The following CELF4 variants were observed in gnomAD, a reference collection of about 807,000 sequenced individuals.
CELF4 encodes the protein CUG-BP- and ETR-3-like factor 4.
In CELF4, 18 loss-of-function variants were observed where a neutral mutation model predicts 59.9. The observed-to-expected ratio is 0.30, with a 90% confidence interval of 0.21 to 0.45. CELF4 has a LOEUF of 0.45. Among genes scored for constraint, CELF4 ranks in the 20% least tolerant of loss-of-function variants. The pLI is 1.00. For missense variants in CELF4, 456 were observed against 689.0 expected (o/e 0.66, Z 3.79); for synonymous variants, 261 against 267.1 (o/e 0.98, Z 0.22).
intron 2 of CELF4, among the ~76,000 whole-genome samples, chr18:37,470,881 T>TGACAGAGAGAGA (rs1569569555): frequency 1.2e-5 from 1 of 80,884 alleles, no homozygotes; most frequent in African/African-American, 4.4e-5. Context: ...TGTGTGTGTG[T>TGACAGAGAGAGA]GTGTGTGACA....
At chr18:37,289,963 GA>G (rs1336748328) in intron 3 of CELF4, among the ~76,000 whole-genome samples, 2 of 152,240 alleles carry the variant, frequency 1.3e-5, no homozygotes, top group African/African-American at 4.8e-5. Context: ...GATTTTGCCA[GA>G]AAGTGTCCTT....
intron 2 of CELF4, among the ~76,000 whole-genome samples, chr18:37,365,137 C>A (rs1349836600): frequency 1.3e-5 from 2 of 152,104 alleles, no homozygotes; most frequent in African/African-American, 2.4e-5. Context: ...GCAAAAGGGA[C>A]TTTAAAGGGA....
intron 2 of CELF4, among the ~76,000 whole-genome samples, chr18:37,481,389 T>C (rs1191310277): frequency 6.6e-6 from 1 of 152,190 alleles, no homozygotes; most frequent in Non-Finnish European, 1.5e-5. Flanking sequence ...GCAAAAGTGC[T>C]GGCCACAGCT....
Position 37,456,781 on chromosome 18 carries a change from C to A in CELF4, c.369+28744G>T, listed in dbSNP as rs114642062. Among the ~76,000 whole-genome samples the A allele has an allele frequency of 3.3e-3, 499 of 152,254 alleles. 1 individual carries two copies. Among genetic ancestry groups the A allele is most frequent in the African/African-American group, 0.012 (485 of 41,532 alleles). On this transcript the variant is annotated intron_variant, in intron 2 of 12. Coordinates refer to ENST00000420428, the MANE Select transcript of CELF4 (RefSeq NM_020180.4). Reference sequence around the variant, plus strand: ...ATTCCTGATGCACTGTAGCCATGCCCAGGTGAGAGGCAAAGATCCACATGC... The same window carrying A: ...ATTCCTGATGCACTGTAGCCATGCCAAGGTGAGAGGCAAAGATCCACATGC...
At chr18:37,263,940 C>A (rs1253169447) in intron 10 of CELF4, among the ~76,000 whole-genome samples, 1 of 152,118 alleles carries the variant, frequency 6.6e-6, no homozygotes, top group East Asian at 1.9e-4. Flanking sequence ...TTCTCCCCAC[C>A]CTCCCCACTG....
At chr18:37,266,016 C>T (rs1448874147) in intron 9 of CELF4, among the ~76,000 whole-genome samples, 2 of 152,192 alleles carry the variant, frequency 1.3e-5, no homozygotes, top group African/African-American at 2.4e-5. Flanking sequence ...CTCTCCTCCT[C>T]TGCTCCCTGT....
intron 2 of CELF4, among the ~76,000 whole-genome samples, chr18:37,376,475 G>C (rs977009662): frequency 6.6e-6 from 1 of 152,160 alleles, no homozygotes; most frequent in Admixed American, 6.5e-5. Flanking sequence ...CTGCAATTCT[G>C]CTCTCTCCTG....
In CELF4 at chr18:37,244,333, T is replaced by C. The variant is rs562500054; in HGVS notation, c.*909A>G. 1 of 152,562 alleles carries C rather than the reference T, an allele frequency of 6.6e-6. No homozygotes were observed. Among genetic ancestry groups the C allele is most frequent in the Admixed American group, 6.5e-5 (1 of 15,278 alleles). The allele number at this position is 152,562 out of a possible 1,614,324, so 9.5% of individuals were successfully genotyped here. Reference sequence around the variant, plus strand: ...ACCTTGCTTGGTAAGTCCCATTTGTTCCCCTCCTTGTTTTCTCACACTTCA... The same window carrying C: ...ACCTTGCTTGGTAAGTCCCATTTGTCCCCCTCCTTGTTTTCTCACACTTCA... On this transcript the variant is annotated 3_prime_UTR_variant, in exon 13 of 13. Coordinates refer to ENST00000420428, the MANE Select transcript of CELF4 (RefSeq NM_020180.4).
Position 37,274,896 on chromosome 18 carries a change from C to G in CELF4, c.578-12G>C. On this transcript the variant is annotated splice_polypyrimidine_tract_variant and intron_variant, in intron 4 of 12. Coordinates refer to ENST00000420428, the MANE Select transcript of CELF4 (RefSeq NM_020180.4). Reference sequence around the variant, plus strand: ...CACAAAGGCGCACCCTGCGAGGACGCGAGAGGCCGAGCTGGGACCCAGAAG... The same window carrying G: ...CACAAAGGCGCACCCTGCGAGGACGGGAGAGGCCGAGCTGGGACCCAGAAG... The G allele has an allele frequency of 6.2e-7, 1 of 1,603,212 alleles. No homozygotes were observed. Among genetic ancestry groups the G allele is most frequent in the Non-Finnish European group, 8.5e-7 (1 of 1,175,612 alleles).
At chr18:37,361,934 G>A (rs1405744891) in intron 2 of CELF4, among the ~76,000 whole-genome samples, 1 of 152,112 alleles carries the variant, frequency 6.6e-6, no homozygotes, top group Non-Finnish European at 1.5e-5. Context: ...ACCAAAAGAA[G>A]CTTCAGAGGG....
At position 37,274,449 on chromosome 18, in the gene CELF4, G is replaced by A. The variant is rs752029160; in HGVS notation, c.663C>T (p.Ala221=). 8 of 1,612,646 alleles carry A rather than the reference G, an allele frequency of 5.0e-6. No homozygotes were observed. The Admixed American group carries it at 6.7e-5, about 13-fold the overall frequency. The stretch of plus-strand genomic sequence containing the variant: ...CGAACTTGACCACCAGACTGGACGA[G>A]GCTCCCTGCGGCCGGGGCGGCGCGT... ...ALHGSQTMPG[A]SSSLVVKFAD... The change falls in exon 6 of 13, where the codon GCC becomes GCT. Residue 221 remains alanine (A), a synonymous_variant. Coordinates refer to ENST00000420428, the MANE Select transcript of CELF4 (RefSeq NM_020180.4).
At chr18:37,250,077 C>A (rs528494417) in intron 12 of CELF4, among the ~76,000 whole-genome samples, 1 of 152,040 alleles carries the variant, frequency 6.6e-6, no homozygotes, top group African/African-American at 2.4e-5. Flanking sequence ...TAAGCAGTGG[C>A]GGAACAAGGG....
At chr18:37,526,301 C>T (rs1230208025) in intron 1 of CELF4, among the ~76,000 whole-genome samples, 1 of 152,196 alleles carries the variant, frequency 6.6e-6, no homozygotes, top group Admixed American at 6.5e-5. Context: ...ATTTGCGTGG[C>T]TGTGAGTAAG....
intron 2 of CELF4, among the ~76,000 whole-genome samples, chr18:37,440,595 G>A (rs1164861149): frequency 6.6e-6 from 1 of 152,176 alleles, no homozygotes; most frequent in African/African-American, 2.4e-5. Context: ...CCTTGGAGGA[G>A]GTGGGGCCCA....
At chr18:37,403,131 G>A (rs979874736) in intron 2 of CELF4, among the ~76,000 whole-genome samples, 2 of 152,142 alleles carry the variant, frequency 1.3e-5, no homozygotes, top group African/African-American at 4.8e-5. Context: ...GGGCGAGGAG[G>A]GGAGACAGGC....
rs113806449 is a variant in CELF4 at position 37,408,501 on chromosome 18, GC to G, written c.369+77023del. 7.9e-3 allele frequency among the ~76,000 whole-genome samples: 950 copies of G among 120,404 alleles called. 33 individuals are homozygous for G. Among genetic ancestry groups the G allele is most frequent in the African/African-American group, 0.027 (825 of 31,002 alleles). 79.0% of individuals were successfully genotyped at this position (120,404 alleles called of 152,430 possible). On this transcript the variant is annotated intron_variant, in intron 2 of 12. Transcript: ENST00000420428. Reference sequence around the variant, plus strand: ...CCCCTTTGGTTGGTGCCGGGGGGGGGCGCGGTGCAGGAGGATGTGAGAGGAG... The same window carrying G: ...CCCCTTTGGTTGGTGCCGGGGGGGGGGCGGTGCAGGAGGATGTGAGAGGAG...
rs79425878 is a variant in CELF4, at chr18:37,244,051, C to G, written c.*1191G>C. The G allele has an allele frequency of 0.041, 6,378 of 156,850 alleles. 576 individuals are homozygous for G. Among genetic ancestry groups the G allele is most frequent in the East Asian group, 0.34 (1,891 of 5,488 alleles). The allele number at this position is 156,850 out of a possible 1,614,324, so 9.7% of individuals were successfully genotyped here. On this transcript the variant is annotated 3_prime_UTR_variant, in exon 13 of 13. Transcript: ENST00000420428. ...GGGGACAACGGCATCCGACTGCACTCGCGGGGAGAAGGGATTGATGCTCTG... is the reference window on the plus strand; with the variant it reads ...GGGGACAACGGCATCCGACTGCACTGGCGGGGAGAAGGGATTGATGCTCTG...
Position 37,333,023 on chromosome 18 carries a change from G to A in CELF4, c.370-11142C>T, listed in dbSNP as rs78926311. Among the ~76,000 whole-genome samples, 1,275 of 152,330 alleles carry A rather than the reference G, an allele frequency of 8.4e-3. 17 individuals are homozygous for A. Among genetic ancestry groups the A allele is most frequent in the African/African-American group, 0.029 (1,194 of 41,578 alleles). ...ATTAGCCGGCATGGTCGGCTGGGTC[G>A]CTAACCCTCTTCAGGGTGGGGGAGT... On this transcript the variant is annotated intron_variant, in intron 2 of 12. Transcript: ENST00000420428.
At chr18:37,537,382 C>G (rs568473216) in intron 1 of CELF4, among the ~76,000 whole-genome samples, 2 of 152,308 alleles carry the variant, frequency 1.3e-5, no homozygotes, top group Admixed American at 6.5e-5. Flanking sequence ...GAATGGTGCT[C>G]TCTATCCAAG....
Sources: allele counts gnomAD v4.1 joint callset (sites outside exome capture counted in the v4.1 genomes callset), GRCh38; gene constraint gnomAD v4.1.1; transcripts MANE v1.5; gene names NCBI Gene and HGNC (gene_info 2026-07-23, HGNC 2026-07-21).